Variants in DMXL2 observed in about 807,000 individuals in gnomAD.
The protein encoded by DMXL2 is Dmx like 2.
Under a neutral mutation model 331.1 loss-of-function variants are expected in DMXL2, and 103 were observed. The ratio of observed to expected loss-of-function variants is 0.31; its 90% CI spans 0.27 to 0.37. DMXL2 has a LOEUF of 0.37. DMXL2 is among the 10% of genes least tolerant of loss of function. The pLI is 1.00. For synonymous variants in DMXL2, 1,281 were observed against 1,252.1 expected (o/e 1.02, Z -0.49); for missense variants, 3,171 against 3,642.9 (o/e 0.87, Z 3.33).
At chr15:51,614,320 T>C (rs1205560395) in intron 1 of DMXL2, among the ~76,000 whole-genome samples, 1 of 152,244 alleles carries the variant, frequency 6.6e-6, no homozygotes, top group Admixed American at 6.5e-5. Flanking sequence ...TATTTTGTTA[T>C]GGCAGCCCCA....
intron 13 of DMXL2, among the ~76,000 whole-genome samples, chr15:51,521,441 GTA>G (rs2047364149): frequency 1.3e-5 from 2 of 149,446 alleles, no homozygotes; most frequent in Non-Finnish European, 3.0e-5. Flanking sequence ...AGTAGTAGTA[GTA>G]GTAGTAGTAG....
At chr15:51,604,301 G>A (rs2053430744) in intron 1 of DMXL2, among the ~76,000 whole-genome samples, 1 of 134,302 alleles carries the variant, frequency 7.4e-6, no homozygotes, top group Non-Finnish European at 1.6e-5. Context: ...ACTGCAATAA[G>A]GAAAAAAAAA....
intron 16 of DMXL2, among the ~76,000 whole-genome samples, chr15:51,505,734 T>G (rs146318643): frequency 1.3e-5 from 2 of 152,362 alleles, no homozygotes; most frequent in Non-Finnish European, 2.9e-5. Flanking sequence ...ATTGTGATAA[T>G]GTATAATACA....
chr15:51,515,390 A>T (rs1362299489), intron 14 of DMXL2, among the ~76,000 whole-genome samples: 1 of 152,166 alleles, frequency 6.6e-6, no homozygotes, highest in African/African-American at 2.4e-5. Context: ...TTATAGAATA[A>T]AGGAAAACCT....
intron 13 of DMXL2, 52 bp downstream of exon 13, chr15:51,535,611 A>G (rs2048245057): frequency 6.6e-7 from 1 of 1,510,140 alleles, no homozygotes. Flanking sequence ...CAAAGTCAAA[A>G]GAGAATTCTT....
chr15:51,528,838 C>T (rs915022860), intron 13 of DMXL2, among the ~76,000 whole-genome samples: 6 of 152,082 alleles, frequency 3.9e-5, no homozygotes, highest in Non-Finnish European at 7.4e-5. Flanking sequence ...GGATCATTCT[C>T]GAGGACAGAC....
chr15:51,458,693 T>C lies in DMXL2; in HGVS notation c.8076+16A>G, dbSNP rs2039864621. The C allele has an allele frequency of 6.2e-7, 1 of 1,613,830 alleles. No homozygotes were observed. Among genetic ancestry groups the C allele is most frequent in the Non-Finnish European group, 8.5e-7 (1 of 1,179,854 alleles). Reference sequence around the variant, plus strand: ...CTAAGGAGAAATACACTGTGTATAATGATGAGAGCTTTTACCTTATTAACA... The same window carrying C: ...CTAAGGAGAAATACACTGTGTATAACGATGAGAGCTTTTACCTTATTAACA... On this transcript the variant is annotated intron_variant, in intron 35 of 43. Transcript: ENST00000560891.
Position 51,476,724 on chromosome 15 carries a change from A to C in DMXL2, c.6834-5T>G, listed in dbSNP as rs762141270. ...TGATTTCCTTCTGTTTGACTGCTAA[A>C]ACAAATAGGTTCAGTTATTTATCAT... is the stretch of plus-strand genomic sequence containing the variant. On this transcript the variant is annotated splice_polypyrimidine_tract_variant and splice_region_variant and intron_variant, in intron 26 of 43. Coordinates refer to ENST00000560891, the MANE Select transcript of DMXL2 (RefSeq NM_001378457.1). The C allele has an allele frequency of 1.9e-6, 3 of 1,594,902 alleles. No individual in the cohort carries two copies. The Admixed American group carries it at 5.5e-5, about 29-fold the overall frequency.
chr15:51,610,318 AG>A (rs1469846806), intron 1 of DMXL2, among the ~76,000 whole-genome samples: 1 of 152,254 alleles, frequency 6.6e-6, no homozygotes, highest in African/African-American at 2.4e-5. Context: ...GCATATTTAT[AG>A]TAGATTTTAA....
rs773723399 is a variant in DMXL2, at chr15:51,499,607, T to C, written c.3617A>G (p.Asn1206Ser). 1.9e-6 allele frequency: 3 copies of C among 1,614,040 alleles called. No individual in the cohort carries two copies. The highest frequency in any genetic ancestry group is 1.3e-5 in the African/African-American group (1 of 74,942). The change falls in exon 18 of 44, where the codon AAC (asparagine) becomes AGC (serine). Residue 1206 changes from asparagine to serine, a missense_variant. By Grantham distance (46) the Asn-to-Ser change is conservative. Transcript: ENST00000560891. ...RLSGIVTEQT[N>S]SKDGVAVITL... ...GATGACAGCTACTCCATCCTTACTG[T>C]TGGTTTGCTCAGTCACAATTCCTGA...
intron 14 of DMXL2, 23 bp downstream of exon 14, chr15:51,517,055 C>G: frequency 6.3e-7 from 1 of 1,586,090 alleles, no homozygotes; most frequent in Non-Finnish European, 8.7e-7. Flanking sequence ...ACGAATATCA[C>G]CAATTCACAA....
At chr15:51,505,657 G>A (rs768988789) in intron 16 of DMXL2, among the ~76,000 whole-genome samples, 43 of 152,306 alleles carry the variant, frequency 2.8e-4, no homozygotes, top group Non-Finnish European at 5.0e-4. Flanking sequence ...ACTAGGTGAA[G>A]GTAAAGGTTC....
At chr15:51,477,097 G>A (rs959204087) in intron 26 of DMXL2, among the ~76,000 whole-genome samples, 1 of 151,974 alleles carries the variant, frequency 6.6e-6, no homozygotes, top group South Asian at 2.1e-4. Context: ...GGGACTAGTA[G>A]GTTGCATTTC....
chr15:51,535,375 CAAACT>C (rs2048230672), intron 13 of DMXL2, among the ~76,000 whole-genome samples: 1 of 151,930 alleles, frequency 6.6e-6, no homozygotes, highest in East Asian at 1.9e-4. Flanking sequence ...CTAACAGAAC[CAAACT>C]AGAGAGTAAA....
chr15:51,540,702 A>G (rs1317630024), intron 9 of DMXL2, among the ~76,000 whole-genome samples: 2 of 152,196 alleles, frequency 1.3e-5, no homozygotes, highest in African/African-American at 4.8e-5. Context: ...TTAGTAATCT[A>G]TTTGGTCAAC....
At chr15:51,453,185 AG>A in intron 41 of DMXL2, 1 of 189,376 alleles carries the variant, frequency 5.3e-6, no homozygotes, top group Non-Finnish European at 1.1e-5. Context: ...TCACCACTAA[AG>A]AACTTATCCA....
intron 19 of DMXL2, among the ~76,000 whole-genome samples, chr15:51,493,453 A>G (rs1293359518): frequency 2.0e-5 from 3 of 152,162 alleles, no homozygotes; most frequent in African/African-American, 7.2e-5. Flanking sequence ...AGGTGAAAAA[A>G]GTTATTAGGG....
rs762156294 is a variant in DMXL2, at chr15:51,474,341, T to C, written c.7213+3A>G. The C allele has an allele frequency of 1.4e-5, 23 of 1,603,452 alleles. 1 individual carries two copies. The Middle Eastern group carries it at 6.6e-4, about 46-fold the overall frequency. ...TACATTACTGGTATCAAACGTATCT[T>C]ACCTGAAATATTTTCTGATTGTCTT... On this transcript the variant is annotated splice_donor_region_variant and intron_variant, in intron 28 of 43. Coordinates refer to ENST00000560891, the MANE Select transcript of DMXL2 (RefSeq NM_001378457.1).
rs1276780804 is a variant in DMXL2 at position 51,536,503 on chromosome 15, A to G, written c.1977T>C (p.His659=). The G allele has an allele frequency of 1.2e-6, 2 of 1,614,026 alleles. No homozygotes were observed. Among genetic ancestry groups the G allele is most frequent in the Admixed American group, 3.3e-5 (2 of 59,978 alleles). The part of the protein sequence containing the change: ...HRFHLNDLAC[H]SVLPLLLTSS... ...ATGTCAATAACAGTGGTAAAACTGA[A>G]TGACATGCCAGGTCATTGAGGTGAA... is the stretch of plus-strand genomic sequence containing the variant. Residue 659 remains histidine (H), a synonymous_variant, in exon 12 of 44, where the codon CAT becomes CAC. Transcript: ENST00000560891.
Sources: allele counts gnomAD v4.1 joint callset (sites outside exome capture counted in the v4.1 genomes callset), GRCh38; gene constraint gnomAD v4.1.1; transcripts MANE v1.5; gene names NCBI Gene and HGNC (gene_info 2026-07-23, HGNC 2026-07-21).